Variants in ATF2 observed in about 807,000 individuals in gnomAD.
ATF2 encodes the protein activating transcription factor 2, also known as cyclic AMP-dependent transcription factor ATF-2.
A neutral mutation model predicts 60.6 loss-of-function variants in ATF2; 24 were observed. That is an observed-to-expected ratio of 0.40 (90% confidence interval 0.29 to 0.56). The LOEUF is 0.56. Among genes scored for constraint, ATF2 ranks in the 20% least tolerant of loss-of-function variants. The pLI, the probability that ATF2 is intolerant of heterozygous loss-of-function variation, is 0.54. For missense variants in ATF2, 433 were observed against 607.7 expected (o/e 0.71, Z 3.02); for synonymous variants, 206 against 215.4 (o/e 0.96, Z 0.38).
chr2:175,153,837 A>AG (rs1176704715), intron 1 of ATF2, among the ~76,000 whole-genome samples: 81 of 148,934 alleles, frequency 5.4e-4, no homozygotes, highest in African/African-American at 1.7e-3. Flanking sequence ...GCCTCAAAGA[A>AG]AAAAAAAAAA....
At chr2:175,084,649 A>G in intron 12 of ATF2, among the ~76,000 whole-genome samples, 1 of 152,142 alleles carries the variant, frequency 6.6e-6, no homozygotes, top group African/African-American at 2.4e-5. Flanking sequence ...TATAAAAAAA[A>G]AAAAAAAGTT....
intron 8 of ATF2, chr2:175,114,408 G>C: frequency 8.0e-7 from 1 of 1,249,586 alleles, no homozygotes; most frequent in Non-Finnish European, 1.0e-6. Flanking sequence ...GAAAGAAATG[G>C]AATCTGGTGA....
intron 13 of ATF2, among the ~76,000 whole-genome samples, chr2:175,078,114 T>C (rs988221916): frequency 6.6e-6 from 1 of 152,192 alleles, no homozygotes; most frequent in Non-Finnish European, 1.5e-5. Flanking sequence ...ACTATAGGTG[T>C]GTGCCAAAAT....
chr2:175,074,496 A>G lies in ATF2; in HGVS notation c.*113T>C. 2.3e-6 allele frequency: 1 copy of G among 434,724 alleles called. No individual in the cohort carries two copies. Among genetic ancestry groups the G allele is most frequent in the South Asian group, 6.5e-5 (1 of 15,492 alleles). 26.9% of individuals were successfully genotyped at this position (434,724 alleles called of 1,614,324 possible). On this transcript the variant is annotated 3_prime_UTR_variant, in exon 14 of 14. Coordinates refer to ENST00000264110, the MANE Select transcript of ATF2 (RefSeq NM_001880.4). ...TTTAGAGCCAAATTTAATTTCAAGT[A>G]AAAAAAAAAAATTTACAACCACAGA...
chr2:175,155,325 GA>G (rs1268858193), intron 1 of ATF2, among the ~76,000 whole-genome samples: 1 of 152,104 alleles, frequency 6.6e-6, no homozygotes, highest in East Asian at 1.9e-4. Flanking sequence ...TTTAAAATAA[GA>G]GTGCCTTAAA....
chr2:175,074,436 C>A lies in ATF2; in HGVS notation c.*173G>T. The A allele has an allele frequency of 3.1e-6, 2 of 640,970 alleles. No homozygotes were observed. Among genetic ancestry groups the A allele is most frequent in the Non-Finnish European group, 4.8e-6 (2 of 417,244 alleles). 39.7% of individuals were successfully genotyped at this position (640,970 alleles called of 1,614,324 possible). ...CAGTCTTTTTCCAGAGACTAAAAAC[C>A]GTTTTTCAGTCTGATCAACTGCTGC... On this transcript the variant is annotated 3_prime_UTR_variant, in exon 14 of 14. Coordinates refer to ENST00000264110, the MANE Select transcript of ATF2 (RefSeq NM_001880.4).
At chr2:175,096,323 A>C (rs1278430385) in intron 11 of ATF2, among the ~76,000 whole-genome samples, 1 of 152,188 alleles carries the variant, frequency 6.6e-6, no homozygotes, top group African/African-American at 2.4e-5. Flanking sequence ...CTCTAGTATA[A>C]ATAGCTGCCA....
intron 12 of ATF2, among the ~76,000 whole-genome samples, chr2:175,084,011 A>G (rs373995927): frequency 2.0e-5 from 3 of 152,056 alleles, no homozygotes; most frequent in East Asian, 1.9e-4. Flanking sequence ...TGGAGAGGAT[A>G]TGGAGAAATA....
intron 1 of ATF2, among the ~76,000 whole-genome samples, chr2:175,163,928 A>AAAAAAAAAAAAAAAG (rs1270536988): frequency 6.7e-6 from 1 of 148,194 alleles, no homozygotes; most frequent in Non-Finnish European, 1.5e-5. Context: ...CAAAAAAAAA[A>AAAAAAAAAAAAAAAG]AAAAGAAAAG....
chr2:175,141,696 T>C (rs1252623716), intron 2 of ATF2, among the ~76,000 whole-genome samples: 1 of 152,014 alleles, frequency 6.6e-6, no homozygotes, highest in Non-Finnish European at 1.5e-5. Flanking sequence ...GGTTTCACCA[T>C]GTCAGCTAGG....
intron 13 of ATF2, among the ~76,000 whole-genome samples, chr2:175,078,627 G>T (rs1164488593): frequency 6.6e-6 from 1 of 152,144 alleles, no homozygotes; most frequent in Non-Finnish European, 1.5e-5. Context: ...TTACTTGAAA[G>T]ATTTTGTAAC....
At chr2:175,144,876 T>C (rs1464773955) in intron 2 of ATF2, among the ~76,000 whole-genome samples, 2 of 152,234 alleles carry the variant, frequency 1.3e-5, no homozygotes, top group Non-Finnish European at 2.9e-5. Flanking sequence ...GGAAGACATC[T>C]ACTTGATGGA....
Position 175,114,115 on chromosome 2 carries a change from A to C in ATF2, c.627-7T>G. The C allele has an allele frequency of 6.4e-7, 1 of 1,567,778 alleles. No homozygotes were observed. Among genetic ancestry groups the C allele is most frequent in the African/African-American group, 1.4e-5 (1 of 72,164 alleles). On this transcript the variant is annotated splice_region_variant and splice_polypyrimidine_tract_variant and intron_variant, in intron 8 of 13. Transcript: ENST00000264110. ...AAATGGGCCTGGTACAGGGCTAAGA[A>C]AAACAAAAGAAGAGAAATTTTAAAA... is the stretch of plus-strand genomic sequence containing the variant.
In ATF2 at chr2:175,074,516, C is replaced by A; in HGVS notation, c.*93G>T. 1 of 1,421,242 alleles carries A rather than the reference C, an allele frequency of 7.0e-7. No individual in the cohort carries two copies. The highest frequency in any genetic ancestry group is 9.3e-7 in the Non-Finnish European group (1 of 1,070,486). 88.0% of individuals were successfully genotyped at this position (1,421,242 alleles called of 1,614,324 possible). Reference sequence around the variant, plus strand: ...CAAGTAAAAAAAAAAAATTTACAACCACAGATTTCGCATAAATGGAAACTG... The same window carrying A: ...CAAGTAAAAAAAAAAAATTTACAACAACAGATTTCGCATAAATGGAAACTG... On this transcript the variant is annotated 3_prime_UTR_variant, in exon 14 of 14. Transcript: ENST00000264110.
chr2:175,140,367 C>T (rs1698418828), intron 2 of ATF2, among the ~76,000 whole-genome samples: 1 of 152,086 alleles, frequency 6.6e-6, no homozygotes, highest in Non-Finnish European at 1.5e-5. Context: ...AATAATTATG[C>T]CAAGTGAAAG....
chr2:175,133,489 T>A (rs918534957), intron 3 of ATF2, among the ~76,000 whole-genome samples: 2 of 152,178 alleles, frequency 1.3e-5, no homozygotes, highest in African/African-American at 4.8e-5. Context: ...TTGACAACAG[T>A]AGTTTATCAG....
intron 10 of ATF2, among the ~76,000 whole-genome samples, chr2:175,107,665 G>C (rs992811655): frequency 3.4e-4 from 52 of 152,134 alleles, no homozygotes; most frequent in African/African-American, 1.2e-3. Context: ...CAACCTCCCT[G>C]CCTGATTCTC....
intron 2 of ATF2, among the ~76,000 whole-genome samples, chr2:175,143,390 AT>A (rs757094969): frequency 1.3e-5 from 2 of 152,208 alleles, no homozygotes; most frequent in African/African-American, 2.4e-5. Flanking sequence ...AATAGATGTC[AT>A]TTTTAACGGC....
chr2:175,108,586 C>T (rs564591854), intron 10 of ATF2, among the ~76,000 whole-genome samples: 2 of 151,826 alleles, frequency 1.3e-5, no homozygotes, highest in South Asian at 2.1e-4. Context: ...CCAGCCGACC[C>T]GTCCGGGAGG....
Sources: allele counts gnomAD v4.1 joint callset (sites outside exome capture counted in the v4.1 genomes callset), GRCh38; gene constraint gnomAD v4.1.1; transcripts MANE v1.5; gene names NCBI Gene and HGNC (gene_info 2026-07-23, HGNC 2026-07-21).